The following JAKMIP1 variants were observed in gnomAD, a reference collection of about 807,000 sequenced individuals.
JAKMIP1 encodes the protein janus kinase and microtubule-interacting protein 1.
Under a neutral mutation model 113.0 loss-of-function variants are expected in JAKMIP1, and 33 were observed. That is an observed-to-expected ratio of 0.29 (90% CI 0.22 to 0.39). JAKMIP1 has a LOEUF of 0.39. JAKMIP1 is among the 10% of genes least tolerant of loss of function. The probability of loss-of-function intolerance (pLI) is 1.00; values close to 1 mark genes in which losing one functional copy is unlikely to be tolerated. For synonymous variants in JAKMIP1, 480 were observed against 459.9 expected (o/e 1.04, Z -0.56); for missense variants, 813 against 1,080.5 (o/e 0.75, Z 3.47).
At chr4:6,123,738 G>T (rs2108914201) in intron 1 of JAKMIP1, among the ~76,000 whole-genome samples, 1 of 152,276 alleles carries the variant, frequency 6.6e-6, no homozygotes, top group Non-Finnish European at 1.5e-5. Flanking sequence ...GGAGGAGCAT[G>T]TGAGCCTAGG....
chr4:6,162,437 C>T lies in JAKMIP1; in HGVS notation c.-148+37816G>A, dbSNP rs1723083869. 2.0e-5 allele frequency among the ~76,000 whole-genome samples: 3 copies of T among 152,164 alleles called. No individual in the cohort carries two copies. The highest frequency in any genetic ancestry group is 2.1e-4 in the South Asian group (1 of 4,832). ...CTGGGGAAGTCACCTCCAGAGGCCACATGAGCCAAGTGACAGGGGCAGATG... is the reference window on the plus strand; with the variant it reads ...CTGGGGAAGTCACCTCCAGAGGCCATATGAGCCAAGTGACAGGGGCAGATG... On this transcript the variant is annotated intron_variant, in intron 1 of 20. Coordinates refer to ENST00000409021, the MANE Select transcript of JAKMIP1 (RefSeq NM_001099433.2). The surrounding 1 kb of genome is among the most constrained non-coding windows in gnomAD (Gnocchi z 5.6).
chr4:6,096,168 T>A (rs1484365795), intron 3 of JAKMIP1, among the ~76,000 whole-genome samples: 1 of 152,210 alleles, frequency 6.6e-6, no homozygotes, highest in African/African-American at 2.4e-5. Flanking sequence ...ACCTGCTGTC[T>A]TCTCTTTTGA....
chr4:6,082,488 G>GA (rs1366081276), intron 5 of JAKMIP1, among the ~76,000 whole-genome samples: 9 of 150,242 alleles, frequency 6.0e-5, no homozygotes, highest in African/African-American at 2.2e-4. Context: ...TTTTTTTCGA[G>GA]ACAGAAGGTA....
intron 20 of JAKMIP1, among the ~76,000 whole-genome samples, 182 bp from the exon 21 acceptor site, chr4:6,026,460 G>A (rs922662594): frequency 2.6e-5 from 4 of 152,088 alleles, no homozygotes; most frequent in African/African-American, 4.8e-5. Flanking sequence ...CCTGGGAAAC[G>A]CATCCTGGGG....
chr4:6,173,578 T>C (rs970907827), intron 1 of JAKMIP1, among the ~76,000 whole-genome samples: 4 of 152,186 alleles, frequency 2.6e-5, no homozygotes, highest in African/African-American at 9.6e-5. Context: ...ACAGAAAAGT[T>C]CCAAAGACAT....
Position 6,059,157 on chromosome 4 carries a change from C to G in JAKMIP1, c.1644+1267G>C, listed in dbSNP as rs1199159181. ...TCACGATCCCACCGCATGGAGGATGCAGACCACAGTTTAGAGAAGCCATTC... is the reference window on the plus strand; with the variant it reads ...TCACGATCCCACCGCATGGAGGATGGAGACCACAGTTTAGAGAAGCCATTC... On this transcript the variant is annotated intron_variant, in intron 11 of 20. Coordinates refer to ENST00000409021, the MANE Select transcript of JAKMIP1 (RefSeq NM_001099433.2). This position sits in a 1 kb window ranked among gnomAD's most constrained non-coding sequence, Gnocchi z 4.8. Among the ~76,000 whole-genome samples the G allele has an allele frequency of 4.6e-5, 7 of 152,194 alleles. No homozygotes were observed. Among genetic ancestry groups the G allele is most frequent in the African/African-American group, 7.2e-5 (3 of 41,450 alleles).
intron 1 of JAKMIP1, among the ~76,000 whole-genome samples, chr4:6,164,780 A>G (rs184968049): frequency 1.2e-4 from 18 of 152,344 alleles, no homozygotes; most frequent in Non-Finnish European, 2.4e-4. Flanking sequence ...ATAAGTGGTG[A>G]GAAAAGCAAG....
chr4:6,197,317 C>T lies in JAKMIP1; in HGVS notation c.-148+2936G>A, dbSNP rs758381017. 6.6e-6 allele frequency among the ~76,000 whole-genome samples: 1 copy of T among 152,174 alleles called. No individual in the cohort carries two copies. Among genetic ancestry groups the T allele is most frequent in the African/African-American group, 2.4e-5 (1 of 41,432 alleles). On this transcript the variant is annotated intron_variant, in intron 1 of 20. Transcript: ENST00000409021. The surrounding 1 kb of genome is among the most constrained non-coding windows in gnomAD (Gnocchi z 6.5). ...CCACTGCTCTGATCATTAGTTTCATCGTTAGCTAAAGAAGGACCCCAAATG... is the reference window on the plus strand; with the variant it reads ...CCACTGCTCTGATCATTAGTTTCATTGTTAGCTAAAGAAGGACCCCAAATG...
Position 6,061,186 on chromosome 4 carries a change from A to G in JAKMIP1, c.1561-679T>C, listed in dbSNP as rs1436862908. 6.6e-6 allele frequency among the ~76,000 whole-genome samples: 1 copy of G among 152,224 alleles called. No individual in the cohort carries two copies. Among genetic ancestry groups the G allele is most frequent in the Non-Finnish European group, 1.5e-5 (1 of 68,048 alleles). On this transcript the variant is annotated intron_variant, in intron 10 of 20. Transcript: ENST00000409021. The surrounding 1 kb of genome is among the most constrained non-coding windows in gnomAD (Gnocchi z 5.3). ...TCAGGAACCTGGATTTCTCTATAGA[A>G]TCTCTTGATTTTTAAATGTTGGCAA...
rs532493905 is a variant in JAKMIP1, at chr4:6,064,430, A to T, written c.1431+450T>A. ...TTCAGGGCTCTTCACCTTCTTCTTT[A>T]TATATTTTTGGATTACATGCTTTAT... On this transcript the variant is annotated intron_variant, in intron 9 of 20. Transcript: ENST00000409021. This position sits in a 1 kb window ranked among gnomAD's most constrained non-coding sequence, Gnocchi z 4.3. 2.0e-5 allele frequency among the ~76,000 whole-genome samples: 3 copies of T among 152,186 alleles called. No homozygotes were observed. The South Asian group carries it at 6.2e-4, about 32-fold the overall frequency.
chr4:6,054,942 C>T (rs1212355085), intron 12 of JAKMIP1: 9 of 437,702 alleles, frequency 2.1e-5, no homozygotes, highest in Non-Finnish European at 2.3e-5. Flanking sequence ...GGGTTTTCTG[C>T]GGCTCCCTGG....
chr4:6,126,301 A>ACAGAAACACACACACATACACCTTG (rs1717591059), intron 1 of JAKMIP1, among the ~76,000 whole-genome samples: 1 of 133,356 alleles, frequency 7.5e-6, no homozygotes, highest in South Asian at 2.6e-4. Flanking sequence ...CACACACCAT[A>ACAGAAACACACACACATACACCTTG]CAGAAACACA....
chr4:6,154,936 G>A lies in JAKMIP1; in HGVS notation c.-147-41939C>T, dbSNP rs1722048249. 1.3e-5 allele frequency among the ~76,000 whole-genome samples: 2 copies of A among 152,142 alleles called. No individual in the cohort carries two copies. The highest frequency in any genetic ancestry group is 2.1e-4 in the South Asian group (1 of 4,828). On this transcript the variant is annotated intron_variant, in intron 1 of 20. Coordinates refer to ENST00000409021, the MANE Select transcript of JAKMIP1 (RefSeq NM_001099433.2). The surrounding 1 kb of genome is among the most constrained non-coding windows in gnomAD (Gnocchi z 4.2). Reference sequence around the variant, plus strand: ...CACAAACCAACACAGAGCACGCAGGGAAAGGTGCGGGGTAGGGTGGGGGGT... The same window carrying A: ...CACAAACCAACACAGAGCACGCAGGAAAAGGTGCGGGGTAGGGTGGGGGGT...
chr4:6,172,215 C>T (rs1724809554), intron 1 of JAKMIP1, among the ~76,000 whole-genome samples: 2 of 152,214 alleles, frequency 1.3e-5, no homozygotes. Context: ...GCAAAGGATG[C>T]TTTCCTCCAT....
intron 1 of JAKMIP1, among the ~76,000 whole-genome samples, chr4:6,148,522 G>A (rs1005744196): frequency 3.3e-5 from 5 of 152,238 alleles, no homozygotes; most frequent in Admixed American, 6.5e-5. Context: ...ACTCTGCGCC[G>A]GGCGCATCCT....
chr4:6,112,631 G>T, intron 2 of JAKMIP1, 91 bp downstream of exon 2: 1 of 1,491,028 alleles, frequency 6.7e-7, no homozygotes, highest in Non-Finnish European at 9.1e-7. Flanking sequence ...CCCCCTCCTG[G>T]AACAGGCTCT....
intron 12 of JAKMIP1, among the ~76,000 whole-genome samples, chr4:6,054,396 C>T (rs1191316610): frequency 6.6e-6 from 1 of 152,184 alleles, no homozygotes; most frequent in African/African-American, 2.4e-5. Context: ...GAGCCTGGCC[C>T]AGTGGAGTAG....
Position 6,061,932 on chromosome 4 carries a change from G to C in JAKMIP1, c.1560+380C>G, listed in dbSNP as rs1717337108. Among the ~76,000 whole-genome samples, 1 of 152,198 alleles carries C rather than the reference G, an allele frequency of 6.6e-6. No homozygotes were observed. The highest frequency in any genetic ancestry group is 6.5e-5 in the Admixed American group (1 of 15,282). On this transcript the variant is annotated intron_variant, in intron 10 of 20. Coordinates refer to ENST00000409021, the MANE Select transcript of JAKMIP1 (RefSeq NM_001099433.2). The surrounding 1 kb of genome is among the most constrained non-coding windows in gnomAD (Gnocchi z 5.3). The stretch of plus-strand genomic sequence containing the variant: ...GGGAGCACCCTGAGAGTCCCTGCAA[G>C]TGTTCTGGTGGATGTCCTGGAGGGC...
At chr4:6,166,347 C>G (rs577283387) in intron 1 of JAKMIP1, among the ~76,000 whole-genome samples, 1 of 152,354 alleles carries the variant, frequency 6.6e-6, no homozygotes, top group African/African-American at 2.4e-5. Context: ...CTCCCCTCCC[C>G]AGGCAAGACT....
Sources: allele counts gnomAD v4.1 joint callset (sites outside exome capture counted in the v4.1 genomes callset), GRCh38; gene constraint gnomAD v4.1.1; non-coding constraint Gnocchi (gnomAD v3.1); transcripts MANE v1.5; gene names NCBI Gene and HGNC (gene_info 2026-07-23, HGNC 2026-07-21).